The following ANKH variants were observed in gnomAD, a reference collection of about 807,000 sequenced individuals.
ANKH encodes mineralization regulator ANKH.
Under a neutral mutation model 49.0 loss-of-function variants are expected in ANKH, and 15 were observed. The ratio of observed to expected loss-of-function variants is 0.31; its 90% CI spans 0.20 to 0.47. ANKH has a LOEUF of 0.47. ANKH is among the 20% of genes least tolerant of loss of function. The pLI, the probability that ANKH is intolerant of heterozygous loss-of-function variation, is 1.00. For missense variants in ANKH, 429 were observed against 652.0 expected (o/e 0.66, Z 3.72); for synonymous variants, 273 against 260.0 (o/e 1.05, Z -0.48).
At chr5:14,795,700 A>G (rs1378262331) in intron 1 of ANKH, among the ~76,000 whole-genome samples, 3 of 152,222 alleles carry the variant, frequency 2.0e-5, no homozygotes, top group Non-Finnish European at 4.4e-5. Flanking sequence ...TACTAAAAAT[A>G]CGAAACAAAT....
chr5:14,836,558 C>T (rs1328438640), intron 1 of ANKH, among the ~76,000 whole-genome samples: 4 of 152,184 alleles, frequency 2.6e-5, no homozygotes, highest in Admixed American at 2.0e-4. Context: ...ATCCAACTTA[C>T]AAGGGATGTG....
chr5:14,795,663 A>C (rs1740350443), intron 1 of ANKH, among the ~76,000 whole-genome samples: 1 of 152,232 alleles, frequency 6.6e-6, no homozygotes, highest in African/African-American at 2.4e-5. Flanking sequence ...AGCCTGGCCA[A>C]CATGGCGAAA....
chr5:14,871,061 C>A (rs965324249), intron 1 of ANKH: 4 of 523,930 alleles, frequency 7.6e-6, no homozygotes, highest in Non-Finnish European at 3.7e-6. Context: ...TTTACATAAT[C>A]GCAAATTACA....
intron 1 of ANKH, among the ~76,000 whole-genome samples, chr5:14,845,353 T>C (rs1741927082): frequency 2.2e-5 from 1 of 45,260 alleles, no homozygotes; most frequent in Non-Finnish European, 7.8e-5. Context: ...CATGTGTATA[T>C]ATATATATAT....
intron 1 of ANKH, among the ~76,000 whole-genome samples, chr5:14,823,039 A>G (rs1741242068): frequency 6.6e-6 from 1 of 152,172 alleles, no homozygotes; most frequent in Non-Finnish European, 1.5e-5. Context: ...GTCTCAAAAA[A>G]AAAAAAAATA....
At chr5:14,803,997 G>A (rs1307563619) in intron 1 of ANKH, among the ~76,000 whole-genome samples, 2 of 152,170 alleles carry the variant, frequency 1.3e-5, no homozygotes, top group Non-Finnish European at 2.9e-5. Context: ...CTGGGTTCAA[G>A]TGATTCTCCT....
intron 1 of ANKH, chr5:14,788,032 A>C (rs1409435713): frequency 1.3e-5 from 2 of 152,176 alleles, no homozygotes; most frequent in Admixed American, 1.3e-4. Context: ...AGGTGAAACA[A>C]TTCTAACAGT....
chr5:14,716,839 G>C lies in ANKH; in HGVS notation c.1012-4C>G. 1 of 1,613,792 alleles carries C rather than the reference G, an allele frequency of 6.2e-7. No individual in the cohort carries two copies. Among genetic ancestry groups the C allele is most frequent in the South Asian group, 1.1e-5 (1 of 91,060 alleles). On this transcript the variant is annotated splice_polypyrimidine_tract_variant and splice_region_variant and intron_variant, in intron 8 of 11. Transcript: ENST00000284268. Reference sequence around the variant, plus strand: ...TCCAAAACATCACGAAACAGAGCTGGGGAGAAAGACATCAAACAGGGTTGT... The same window carrying C: ...TCCAAAACATCACGAAACAGAGCTGCGGAGAAAGACATCAAACAGGGTTGT...
chr5:14,779,427 G>C (rs1420006527), intron 1 of ANKH, among the ~76,000 whole-genome samples: 1 of 152,154 alleles, frequency 6.6e-6, no homozygotes, highest in Non-Finnish European at 1.5e-5. Flanking sequence ...AGCCCCCTGT[G>C]CAGATCCGAG....
chr5:14,778,825 T>C (rs1739715876), intron 1 of ANKH, among the ~76,000 whole-genome samples: 2 of 152,158 alleles, frequency 1.3e-5, no homozygotes, highest in Non-Finnish European at 2.9e-5. Context: ...TGTAGAATTC[T>C]ACTTGGGCTT....
chr5:14,756,043 C>T lies in ANKH; in HGVS notation c.433-99G>A, dbSNP rs180870217. 4 of 1,031,434 alleles carry T rather than the reference C, an allele frequency of 3.9e-6. No individual in the cohort carries two copies. The African/African-American group carries it at 4.7e-5, about 12-fold the overall frequency. The allele number at this position is 1,031,434 out of a possible 1,614,324, so 63.9% of individuals were successfully genotyped here. ...GGGCATTCCTGAAATACACTTTATA[C>T]CCCCTCAAAGCCTTAGCAGCCCAGG... On this transcript the variant is annotated intron_variant, in intron 3 of 11. Coordinates refer to ENST00000284268, the MANE Select transcript of ANKH (RefSeq NM_054027.6).
intron 1 of ANKH, among the ~76,000 whole-genome samples, chr5:14,823,940 C>A (rs1307385757): frequency 6.6e-6 from 1 of 152,018 alleles, no homozygotes; most frequent in Non-Finnish European, 1.5e-5. Flanking sequence ...AAAAAACAAA[C>A]AAACAAACAA....
chr5:14,847,500 GAGA>G (rs1252357633), intron 1 of ANKH, among the ~76,000 whole-genome samples: 1 of 152,200 alleles, frequency 6.6e-6, no homozygotes, highest in African/African-American at 2.4e-5. Flanking sequence ...TGTCGCCGTC[GAGA>G]AGGAGGGCAC....
At chr5:14,733,601 T>C (rs1419097535) in intron 8 of ANKH, among the ~76,000 whole-genome samples, 1 of 152,244 alleles carries the variant, frequency 6.6e-6, no homozygotes, top group Non-Finnish European at 1.5e-5. Flanking sequence ...CTGTTTTAGA[T>C]CCTCATCGTG....
chr5:14,787,500 A>G (rs59320494), intron 1 of ANKH, among the ~76,000 whole-genome samples: 26,099 of 152,138 alleles, frequency 0.17, 2,457 homozygotes, highest in Middle Eastern at 0.27. Flanking sequence ...CATCCTGGTT[A>G]TTTTAGGAGA....
chr5:14,772,977 C>T (rs1239296522), intron 1 of ANKH, among the ~76,000 whole-genome samples: 1 of 152,166 alleles, frequency 6.6e-6, no homozygotes, highest in African/African-American at 2.4e-5. Flanking sequence ...CAAGTGGGAC[C>T]ACTGTGGTAC....
chr5:14,784,669 A>G (rs183813618), intron 1 of ANKH, among the ~76,000 whole-genome samples: 2 of 152,180 alleles, frequency 1.3e-5, no homozygotes, highest in African/African-American at 4.8e-5. Flanking sequence ...ATCTAGTGAC[A>G]GAGTGTTGGC....
At chr5:14,779,129 T>A (rs1272708271) in intron 1 of ANKH, among the ~76,000 whole-genome samples, 1 of 152,168 alleles carries the variant, frequency 6.6e-6, no homozygotes, top group Non-Finnish European at 1.5e-5. Context: ...ACCTAAGCTC[T>A]TCCTCACCTC....
chr5:14,778,176 G>A (rs887517564), intron 1 of ANKH, among the ~76,000 whole-genome samples: 2 of 152,158 alleles, frequency 1.3e-5, no homozygotes, highest in African/African-American at 2.4e-5. Flanking sequence ...CCTGATCCTC[G>A]CAGTCCTGGA....
Sources: gnomAD v4.1 joint callset for allele counts (sites outside exome capture counted in the v4.1 genomes callset) on GRCh38, gnomAD v4.1.1 for gene constraint, MANE v1.5 for transcripts, NCBI Gene and HGNC (gene_info 2026-07-23, HGNC 2026-07-21) for gene names.